CCDC30: variants seen among roughly 807,000 people sequenced by gnomAD.
The protein encoded by CCDC30 is coiled-coil domain containing 30, also known as coiled-coil domain-containing protein 30.
CCDC30 carries 70 observed loss-of-function variants against 100.2 expected under a neutral mutation model. The ratio of observed to expected loss-of-function variants is 0.70; its 90% CI spans 0.58 to 0.85. The LOEUF (loss-of-function observed/expected upper bound fraction) is 0.85, where lower values mean the gene tolerates loss of function less well. Among genes scored for constraint, CCDC30 ranks in the 40% least tolerant of loss-of-function variants. The probability of loss-of-function intolerance (pLI) is 0.00; values close to 1 mark genes in which losing one functional copy is unlikely to be tolerated. For synonymous variants in CCDC30, 233 were observed against 269.5 expected, an observed-to-expected ratio of 0.86 and a Z score of 1.33; for missense variants, 652 against 771.2, an observed-to-expected ratio of 0.85 and a Z score of 1.83.
intron 10 of CCDC30, among the ~76,000 whole-genome samples, chr1:42,605,727 T>A (rs1646489495): frequency 6.6e-6 from 1 of 152,160 alleles, no homozygotes; most frequent in African/African-American, 2.4e-5. Flanking sequence ...GCTCAAGTGA[T>A]CCACCTGCCT....
At chr1:42,642,028 A>G (rs948737885) in intron 12 of CCDC30, among the ~76,000 whole-genome samples, 1 of 152,144 alleles carries the variant, frequency 6.6e-6, no homozygotes, top group Non-Finnish European at 1.5e-5. Flanking sequence ...GATCGAGACC[A>G]TCCTGGCTAA....
intron 13 of CCDC30, 107 bp downstream of exon 17, chr1:42,642,716 T>C (rs1240586519): frequency 9.2e-7 from 1 of 1,085,788 alleles, no homozygotes; most frequent in East Asian, 2.9e-5. Flanking sequence ...GCCTACCCTA[T>C]GACTCTCGCT....
intron 3 of CCDC30, among the ~76,000 whole-genome samples, chr1:42,485,930 A>G (rs937497129): frequency 2.0e-5 from 3 of 152,186 alleles, no homozygotes; most frequent in Admixed American, 1.3e-4. Flanking sequence ...GCAAAACCAC[A>G]ATGAGCGTCT....
intron 10 of CCDC30, chr1:42,590,619 A>C: frequency 6.6e-6 from 1 of 152,196 alleles, no homozygotes. Flanking sequence ...GACCTGTAGT[A>C]CCAGCTACTC....
At chr1:42,556,427 C>T (rs551091763) in intron 6 of CCDC30, 22 bp downstream of exon 10, 2 of 1,562,728 alleles carry the variant, frequency 1.3e-6, no homozygotes, top group African/African-American at 1.4e-5. Context: ...AAACACATGC[C>T]CTGACTGGGT....
intron 4 of CCDC30, among the ~76,000 whole-genome samples, chr1:42,491,024 C>CT (rs1644131218): frequency 1.3e-5 from 2 of 152,152 alleles, no homozygotes; most frequent in South Asian, 2.1e-4. Context: ...TGAAATTTGA[C>CT]TATTTTAACG....
intron 6 of CCDC30, among the ~76,000 whole-genome samples, chr1:42,565,194 C>G (rs971517800): frequency 1.3e-5 from 2 of 151,906 alleles, no homozygotes; most frequent in South Asian, 2.1e-4. Flanking sequence ...AATGGGGTTG[C>G]GTCAAGTTAA....
intron 6 of CCDC30, among the ~76,000 whole-genome samples, chr1:42,558,590 G>A (rs1645421517): frequency 6.6e-6 from 1 of 152,156 alleles, no homozygotes. Flanking sequence ...ATCTTTCCAG[G>A]ATCACCCATT....
intron 10 of CCDC30, among the ~76,000 whole-genome samples, chr1:42,605,766 C>T (rs1227616783): frequency 6.6e-6 from 1 of 152,124 alleles, no homozygotes; most frequent in African/African-American, 2.4e-5. Context: ...GGATTACAAG[C>T]ATGAGCCACT....
At chr1:42,542,918 G>A (rs1396166146) in intron 6 of CCDC30, 1 of 153,656 alleles carries the variant, frequency 6.5e-6, no homozygotes, top group Admixed American at 6.5e-5. Flanking sequence ...TACTACTTAA[G>A]TGACTAACAT....
intron 6 of CCDC30, among the ~76,000 whole-genome samples, chr1:42,548,570 A>G (rs1252215993): frequency 5.3e-5 from 8 of 152,218 alleles, no homozygotes; most frequent in Admixed American, 5.2e-4. Flanking sequence ...GGACCAAGTT[A>G]TATAAAAAGG....
At chr1:42,482,538 C>T (rs569074613) in intron 2 of CCDC30, 125 bp from the exon 3 acceptor site, 5 of 512,362 alleles carry the variant, frequency 9.8e-6, no homozygotes, top group South Asian at 1.1e-4. Flanking sequence ...CACTCACACA[C>T]ACAAAGAAAT....
At chr1:42,527,852 T>C (rs1335317702) in intron 6 of CCDC30, among the ~76,000 whole-genome samples, 1 of 151,992 alleles carries the variant, frequency 6.6e-6, no homozygotes, top group Non-Finnish European at 1.5e-5. Flanking sequence ...TTTTTTTCTT[T>C]TTCTTTCTTT....
At chr1:42,464,423 G>A (rs1320610352) in intron 1 of CCDC30, among the ~76,000 whole-genome samples, 2 of 152,214 alleles carry the variant, frequency 1.3e-5, no homozygotes, top group Admixed American at 6.5e-5. Context: ...AAGCCCATAT[G>A]AACCCAACAC....
upstream of CCDC30, among the ~76,000 whole-genome samples, chr1:42,458,261 G>C (rs1027594993): frequency 2.0e-5 from 3 of 152,236 alleles, no homozygotes; most frequent in African/African-American, 7.2e-5. Context: ...ACGAAGTAGA[G>C]AAGGAGAAAG....
chr1:42,566,518 G>A, intron 7 of CCDC30, 43 bp downstream of exon 11: 1 of 1,525,790 alleles, frequency 6.6e-7, no homozygotes, highest in Middle Eastern at 1.7e-4. Flanking sequence ...GTTTCAGTTG[G>A]CCCTGGGAAT....
At chr1:42,538,401 C>T (rs896362688) in intron 6 of CCDC30, among the ~76,000 whole-genome samples, 2 of 151,726 alleles carry the variant, frequency 1.3e-5, no homozygotes, top group African/African-American at 4.8e-5. Flanking sequence ...AATTAAGTCA[C>T]TGAATATAAT....
chr1:42,645,634 G>A (rs1047612108), intron 14 of CCDC30, among the ~76,000 whole-genome samples: 1 of 152,122 alleles, frequency 6.6e-6, no homozygotes, highest in African/African-American at 2.4e-5. Context: ...TGGTCTCAGA[G>A]AGGTGATTAT....
At chr1:42,633,150 A>G (rs1266747708) in intron 11 of CCDC30, among the ~76,000 whole-genome samples, 1 of 152,148 alleles carries the variant, frequency 6.6e-6, no homozygotes, top group Non-Finnish European at 1.5e-5. Context: ...TCAAGAACAG[A>G]AAATAATGAG....
Sources: allele counts gnomAD v4.1 joint callset (sites outside exome capture counted in the v4.1 genomes callset), GRCh38; gene constraint gnomAD v4.1.1; transcripts MANE v1.5; gene names NCBI Gene and HGNC (gene_info 2026-07-23, HGNC 2026-07-21).